Variants in DHTKD1 observed in about 807,000 individuals in gnomAD.
The protein encoded by DHTKD1 is dehydrogenase E1 and transketolase domain containing 1.
A neutral mutation model predicts 101.8 loss-of-function variants in DHTKD1; 78 were observed. That is an observed-to-expected ratio of 0.77 (90% CI 0.64 to 0.93). DHTKD1 has a LOEUF of 0.93. DHTKD1 is among the 40% of genes least tolerant of loss of function. The pLI, the probability that DHTKD1 is intolerant of heterozygous loss-of-function variation, is 0.00. For synonymous variants in DHTKD1, 462 were observed against 450.3 expected, an observed-to-expected ratio of 1.03 and a Z score of -0.33; for missense variants, 1,223 against 1,161.7, an observed-to-expected ratio of 1.05 and a Z score of -0.77.
chr10:12,098,084 T>C (rs1397540169), intron 8 of DHTKD1, 88 bp downstream of exon 8: 1 of 1,230,066 alleles, frequency 8.1e-7, no homozygotes, highest in African/African-American at 1.5e-5. Flanking sequence ...AGTTGTCTGA[T>C]TCATTTGACA....
rs1833501608 is a variant in DHTKD1, at chr10:12,120,164, G to T, written c.2573-18G>T. ...CATGTGTCTACTTGAGGTGCTGAAA[G>T]AATTTCTTCTCTCATAGATCATATT... On this transcript the variant is annotated intron_variant, in intron 15 of 16. Coordinates refer to ENST00000263035, the MANE Select transcript of DHTKD1 (RefSeq NM_018706.7). 1.2e-6 allele frequency: 2 copies of T among 1,606,428 alleles called. No individual in the cohort carries two copies. Among genetic ancestry groups the T allele is most frequent in the Non-Finnish European group, 8.5e-7 (1 of 1,173,710 alleles).
chr10:12,116,838 T>C (rs1024302538), intron 13 of DHTKD1, among the ~76,000 whole-genome samples: 87 of 151,924 alleles, frequency 5.7e-4, no homozygotes, highest in African/African-American at 2.0e-3. Flanking sequence ...TAGCTGGGAC[T>C]ACAGGCATGC....
rs190828315 is a variant in DHTKD1 at position 12,075,793 on chromosome 10, T to A, written c.155-5679T>A. Among the ~76,000 whole-genome samples, 395 of 152,316 alleles carry A rather than the reference T, an allele frequency of 2.6e-3. 1 individual carries two copies. Among genetic ancestry groups the A allele is most frequent in the South Asian group, 5.4e-3 (26 of 4,830 alleles). ...TAAATCTTTTAATTTCATTCTTTAT[T>A]ATAAAGGTAATACAGTTGAAGTACG... On this transcript the variant is annotated intron_variant, in intron 1 of 16. Transcript: ENST00000263035.
At chr10:12,080,149 G>A (rs1477669359) in intron 1 of DHTKD1, among the ~76,000 whole-genome samples, 1 of 151,946 alleles carries the variant, frequency 6.6e-6, no homozygotes, top group Non-Finnish European at 1.5e-5. Context: ...GCGTGGTGGC[G>A]GGTGCCTGTG....
At chr10:12,112,500 GCACACACACACACA>G (rs141598482) in intron 12 of DHTKD1, among the ~76,000 whole-genome samples, 9 of 150,972 alleles carry the variant, frequency 6.0e-5, no homozygotes, top group Non-Finnish European at 1.0e-4. Flanking sequence ...AAGCACGCGT[GCACACACACACACA>G]CACACACACA....
At chr10:12,072,461 CAATAAATAAATAAATAAATAAAT>C (rs1276545764) in intron 1 of DHTKD1, among the ~76,000 whole-genome samples, 2 of 148,402 alleles carry the variant, frequency 1.3e-5, no homozygotes. Flanking sequence ...GACTCTGTCT[CAATAAATAAATAAATAAATAAAT>C]AAATAAATAA....
chr10:12,116,003 T>C (rs1309747198), intron 13 of DHTKD1, among the ~76,000 whole-genome samples: 1 of 150,974 alleles, frequency 6.6e-6, no homozygotes, highest in Non-Finnish European at 1.5e-5. Context: ...CAATATCAGC[T>C]CACTGCAACC....
At chr10:12,095,606 G>C (rs1044461807) in intron 7 of DHTKD1, among the ~76,000 whole-genome samples, 9 of 151,982 alleles carry the variant, frequency 5.9e-5, no homozygotes, top group Non-Finnish European at 1.2e-4. Context: ...GAGGTCAGGA[G>C]ATCGAGACCA....
chr10:12,120,347 T>TG, intron 16 of DHTKD1, 80 bp downstream of exon 16: 1 of 1,312,620 alleles, frequency 7.6e-7, no homozygotes. Context: ...TTCTTTTTTT[T>TG]TTTTGAGACA....
intron 7 of DHTKD1, among the ~76,000 whole-genome samples, chr10:12,096,557 G>A (rs1833073300): frequency 6.6e-6 from 1 of 151,992 alleles, no homozygotes; most frequent in Non-Finnish European, 1.5e-5. Flanking sequence ...GACTAGATGG[G>A]GTCTCACAGC....
intron 8 of DHTKD1, among the ~76,000 whole-genome samples, chr10:12,098,488 T>C (rs1833108003): frequency 6.6e-6 from 1 of 152,198 alleles, no homozygotes; most frequent in Non-Finnish European, 1.5e-5. Context: ...CTTTAAGTGC[T>C]AAAACAAGGA....
intron 14 of DHTKD1, among the ~76,000 whole-genome samples, 190 bp from the exon 15 acceptor site, chr10:12,118,559 T>G (rs185069799): frequency 2.0e-5 from 3 of 151,924 alleles, no homozygotes; most frequent in Non-Finnish European, 4.4e-5. Flanking sequence ...ATTTTTTGTA[T>G]TTTTAGTAGA....
chr10:12,119,476 C>T (rs370471131), intron 15 of DHTKD1, among the ~76,000 whole-genome samples: 37 of 150,128 alleles, frequency 2.5e-4, no homozygotes, highest in Middle Eastern at 3.4e-3. Flanking sequence ...ATTAGCCGGG[C>T]GTGGTGGCGG....
chr10:12,100,290 T>TTTTTTTTTTTTG, intron 9 of DHTKD1, 28 bp downstream of exon 9: 1 of 843,580 alleles, frequency 1.2e-6, no homozygotes, highest in Non-Finnish European at 1.7e-6. Context: ...TTTTTCTGTT[T>TTTTTTTTTTTTG]TTTTTTTTTT....
At chr10:12,092,633 G>C (rs1386201251) in intron 6 of DHTKD1, among the ~76,000 whole-genome samples, 1 of 151,748 alleles carries the variant, frequency 6.6e-6, no homozygotes, top group Non-Finnish European at 1.5e-5. Context: ...GAGAAACCCC[G>C]TCTCTAATAA....
chr10:12,117,571 T>C, intron 13 of DHTKD1, 102 bp from the exon 14 acceptor site: 2 of 748,844 alleles, frequency 2.7e-6, no homozygotes, highest in South Asian at 3.1e-5. Flanking sequence ...CTTGCAGTGC[T>C]AGGCTAGAAC....
chr10:12,097,633 T>G, intron 7 of DHTKD1, 51 bp from the exon 8 acceptor site: 4 of 1,499,314 alleles, frequency 2.7e-6, no homozygotes, highest in Non-Finnish European at 3.6e-6. Context: ...CTTGTCTCTA[T>G]TAGATTGTTA....
At chr10:12,086,221 CTTTTCTTT>C (rs1322154851) in intron 3 of DHTKD1, among the ~76,000 whole-genome samples, 24 of 78,072 alleles carry the variant, frequency 3.1e-4, no homozygotes, top group African/African-American at 7.7e-4. Flanking sequence ...CTTTTGTTTT[CTTTTCTTT>C]TTTTTTTTTT....
chr10:12,076,975 TAAAAAAAAAA>T lies in DHTKD1; in HGVS notation c.155-4486_155-4477del, dbSNP rs61096299. Among the ~76,000 whole-genome samples the T allele has an allele frequency of 2.1e-4, 13 of 61,834 alleles. No homozygotes were observed. In the Admixed American group the frequency reaches 2.3e-3, roughly 11 times the overall value. The allele number at this position is 61,834 out of a possible 152,430, so 40.6% of individuals were successfully genotyped here. ...CCAGCCAGCCAGACCCTGTTTCTGATAAAAAAAAAAAAAAAAAAAAGGAAGAAAAAAGAAC... is the reference window on the plus strand; with the variant it reads ...CCAGCCAGCCAGACCCTGTTTCTGATAAAAAAAAAAGGAAGAAAAAAGAAC... On this transcript the variant is annotated intron_variant, in intron 1 of 16. Coordinates refer to ENST00000263035, the MANE Select transcript of DHTKD1 (RefSeq NM_018706.7).
Sources: allele counts gnomAD v4.1 joint callset (sites outside exome capture counted in the v4.1 genomes callset), GRCh38; gene constraint gnomAD v4.1.1; transcripts MANE v1.5; gene names NCBI Gene and HGNC (gene_info 2026-07-23, HGNC 2026-07-21).